CPED1: variants seen among roughly 807,000 people sequenced by gnomAD.
CPED1 encodes the protein cadherin-like and PC-esterase domain-containing protein 1.
CPED1 carries 114 observed loss-of-function variants against 128.2 expected under a neutral mutation model. That is an observed-to-expected ratio of 0.89 (90% CI 0.76 to 1.04). The LOEUF (loss-of-function observed/expected upper bound fraction) is 1.04. Among genes scored for constraint, CPED1 ranks in the 50% least tolerant of loss-of-function variants. The pLI is 0.00. For synonymous variants in CPED1, 462 were observed against 426.7 expected (o/e 1.08, Z -1.02); for missense variants, 1,211 against 1,207.1 (o/e 1.00, Z -0.05).
In CPED1 at chr7:121,156,403, G is replaced by A. The variant is rs189100243; in HGVS notation, c.2055+14262G>A. The stretch of plus-strand genomic sequence containing the variant: ...TTTGCACTCTCCTGTTTATTGCAGC[G>A]CTATTCACAATAGCCAAGATATGGA... On this transcript the variant is annotated intron_variant, in intron 16 of 22. Transcript: ENST00000310396. 3.2e-3 allele frequency among the ~76,000 whole-genome samples: 491 copies of A among 152,220 alleles called. 1 individual carries two copies. The highest frequency in any genetic ancestry group is 0.014 in the Middle Eastern group (4 of 294).
At position 121,044,075 on chromosome 7, in the gene CPED1, T is replaced by C. The variant is rs1273539924; in HGVS notation, c.434-2812T>C. The stretch of plus-strand genomic sequence containing the variant: ...CGCTAACTTCTCAATGTGATTTACT[T>C]AGCTAGTGAAAGCACTTTGATCTCT... On this transcript the variant is annotated intron_variant, in intron 3 of 22. Transcript: ENST00000310396. 2.0e-5 allele frequency among the ~76,000 whole-genome samples: 3 copies of C among 152,320 alleles called. No homozygotes were observed. The East Asian group carries it at 5.8e-4, about 29-fold the overall frequency.
At chr7:121,027,391 A>C (rs1435057756) in intron 3 of CPED1, among the ~76,000 whole-genome samples, 2 of 152,146 alleles carry the variant, frequency 1.3e-5, no homozygotes, top group African/African-American at 4.8e-5. Flanking sequence ...GCATAAAACA[A>C]TGTCGTGCAT....
intron 2 of CPED1, among the ~76,000 whole-genome samples, chr7:121,013,790 G>A (rs963803672): frequency 1.3e-5 from 2 of 152,196 alleles, no homozygotes; most frequent in African/African-American, 4.8e-5. Context: ...ATAGGATATG[G>A]TTCCTGTCCT....
intron 2 of CPED1, among the ~76,000 whole-genome samples, chr7:120,990,877 T>A (rs1459372929): frequency 6.6e-6 from 1 of 152,212 alleles, no homozygotes; most frequent in Non-Finnish European, 1.5e-5. Flanking sequence ...GCACCACTTC[T>A]TTTAAAAACT....
intron 4 of CPED1, among the ~76,000 whole-genome samples, chr7:121,059,610 G>A (rs1265446237): frequency 8.0e-6 from 1 of 124,822 alleles, no homozygotes; most frequent in Non-Finnish European, 1.8e-5. Context: ...AGGTGTTCAC[G>A]CTTCCTAATA....
At chr7:120,995,313 T>C (rs1202425289) in intron 2 of CPED1, among the ~76,000 whole-genome samples, 1 of 152,230 alleles carries the variant, frequency 6.6e-6, no homozygotes, top group African/African-American at 2.4e-5. Flanking sequence ...AGGCATGTTC[T>C]GCTATTGGGA....
chr7:121,080,947 A>G (rs1794277224), intron 5 of CPED1, among the ~76,000 whole-genome samples: 1 of 152,172 alleles, frequency 6.6e-6, no homozygotes, highest in Non-Finnish European at 1.5e-5. Context: ...GTCCAGGGCT[A>G]TGCACTGATT....
intron 4 of CPED1, among the ~76,000 whole-genome samples, chr7:121,050,144 A>G (rs749836969): frequency 6.6e-6 from 1 of 152,208 alleles, no homozygotes; most frequent in African/African-American, 2.4e-5. Context: ...TCTGGCCTTC[A>G]TCCTTGAGCC....
chr7:121,138,093 TTATGG>T (rs1347199677), intron 14 of CPED1, among the ~76,000 whole-genome samples: 1 of 152,064 alleles, frequency 6.6e-6, no homozygotes, highest in Non-Finnish European at 1.5e-5. Flanking sequence ...CTTCCTGCTT[TTATGG>T]TATAAAATAA....
rs371296274 is a variant in CPED1, at chr7:121,191,650, A to C, written c.2056-45064A>C. ...TCAAATTTGGGTGGTTATTGGTTGCATGCCTCTGTGGTTCTTTTTCATAGT... is the reference window on the plus strand; with the variant it reads ...TCAAATTTGGGTGGTTATTGGTTGCCTGCCTCTGTGGTTCTTTTTCATAGT... On this transcript the variant is annotated intron_variant, in intron 16 of 22. Coordinates refer to ENST00000310396, the MANE Select transcript of CPED1 (RefSeq NM_024913.5). 6.6e-5 allele frequency among the ~76,000 whole-genome samples: 10 copies of C among 152,132 alleles called. No homozygotes were observed. In the East Asian group the frequency reaches 1.7e-3, roughly 26 times the overall value.
chr7:121,263,797 T>C (rs1792066035), intron 18 of CPED1, among the ~76,000 whole-genome samples: 1 of 151,960 alleles, frequency 6.6e-6, no homozygotes, highest in Non-Finnish European at 1.5e-5. Flanking sequence ...GGGGATACCC[T>C]AGGAGGGACT....
chr7:121,077,722 G>A (rs1325087255), intron 5 of CPED1, among the ~76,000 whole-genome samples: 2 of 150,766 alleles, frequency 1.3e-5, no homozygotes, highest in African/African-American at 4.9e-5. Context: ...TATTTAAAAT[G>A]TATATTAACA....
chr7:121,235,280 A>G (rs1405127496), intron 16 of CPED1, among the ~76,000 whole-genome samples: 3 of 151,974 alleles, frequency 2.0e-5, no homozygotes, highest in Non-Finnish European at 4.4e-5. Context: ...GTGGTTTTTT[A>G]TTGCTTTATT....
At chr7:121,151,696 T>A (rs1433786423) in intron 16 of CPED1, among the ~76,000 whole-genome samples, 1 of 152,248 alleles carries the variant, frequency 6.6e-6, no homozygotes, top group Non-Finnish European at 1.5e-5. Flanking sequence ...ATGGTGCTCC[T>A]GAAAACCCAG....
chr7:121,174,973 T>A (rs1000120603), intron 16 of CPED1, among the ~76,000 whole-genome samples: 5 of 152,102 alleles, frequency 3.3e-5, no homozygotes, highest in African/African-American at 1.2e-4. Flanking sequence ...GGTAATTTAT[T>A]TGGTGAAAAT....
intron 10 of CPED1, among the ~76,000 whole-genome samples, chr7:121,127,776 C>T (rs574083629): frequency 1.3e-5 from 2 of 151,838 alleles, no homozygotes; most frequent in Admixed American, 6.6e-5. Context: ...CCTCGTGATC[C>T]GCCTGCCTCG....
At chr7:121,272,440 GA>G (rs996432495) in intron 22 of CPED1, among the ~76,000 whole-genome samples, 15 of 151,864 alleles carry the variant, frequency 9.9e-5, no homozygotes, top group African/African-American at 3.6e-4. Flanking sequence ...CCCACCAGTG[GA>G]ACTTTATGGC....
intron 5 of CPED1, among the ~76,000 whole-genome samples, chr7:121,087,030 TAGAG>T (rs1794441328): frequency 6.6e-6 from 1 of 152,212 alleles, no homozygotes; most frequent in Non-Finnish European, 1.5e-5. Flanking sequence ...AATGACCCCT[TAGAG>T]AGAAAGCTGA....
chr7:121,042,919 G>T (rs1278050719), intron 3 of CPED1, among the ~76,000 whole-genome samples: 1 of 152,158 alleles, frequency 6.6e-6, no homozygotes, highest in Non-Finnish European at 1.5e-5. Flanking sequence ...TTTTCCCCAT[G>T]CAAGGAGAAC....
Sources: allele counts gnomAD v4.1 joint callset (sites outside exome capture counted in the v4.1 genomes callset), GRCh38; gene constraint gnomAD v4.1.1; transcripts MANE v1.5; gene names NCBI Gene and HGNC (gene_info 2026-07-23, HGNC 2026-07-21).